The following ESR1 variants were observed in gnomAD, a reference collection of about 807,000 sequenced individuals.
ESR1 encodes the protein estrogen receptor 1.
ESR1 carries 12 observed loss-of-function variants against 52.7 expected under a neutral mutation model. The observed-to-expected ratio is 0.23, with a 90% CI of 0.15 to 0.37. The LOEUF is 0.37. Among genes scored for constraint, ESR1 ranks in the 10% least tolerant of loss-of-function variants. ESR1 has a pLI of 1.00. For missense variants in ESR1, 584 were observed against 779.7 expected (o/e 0.75, Z 2.99); for synonymous variants, 305 against 316.8 (o/e 0.96, Z 0.39).
chr6:152,078,112 G>T (rs2048889707), intron 6 of ESR1, among the ~76,000 whole-genome samples: 1 of 152,118 alleles, frequency 6.6e-6, no homozygotes, highest in Non-Finnish European at 1.5e-5. Context: ...AGAGGGACCT[G>T]GTGGGAAACA....
At chr6:151,710,848 G>T (rs542405258) in intron 2 of ESR1, among the ~76,000 whole-genome samples, 2 of 152,144 alleles carry the variant, frequency 1.3e-5, no homozygotes, top group South Asian at 4.2e-4. Context: ...ATGATTGCCA[G>T]CTTCATCCAT....
intron 3 of ESR1, among the ~76,000 whole-genome samples, chr6:151,917,687 C>T (rs1423265545): frequency 6.6e-6 from 1 of 152,156 alleles, no homozygotes; most frequent in Non-Finnish European, 1.5e-5. Context: ...ATTTCCCATT[C>T]TTGATGCTCC....
At chr6:151,760,649 G>A (rs941484594) in intron 2 of ESR1, among the ~76,000 whole-genome samples, 4 of 152,146 alleles carry the variant, frequency 2.6e-5, no homozygotes, top group Non-Finnish European at 4.4e-5. Flanking sequence ...ATGCTCTCTG[G>A]TAAGACACTT....
intron 4 of ESR1, among the ~76,000 whole-genome samples, chr6:151,963,963 G>T (rs1203765567): frequency 6.6e-6 from 1 of 152,080 alleles, no homozygotes. Context: ...CACTTTTGTT[G>T]TAAATAAGTT....
At chr6:151,885,915 T>C (rs1472711193) in intron 3 of ESR1, among the ~76,000 whole-genome samples, 3 of 152,228 alleles carry the variant, frequency 2.0e-5, no homozygotes, top group Non-Finnish European at 4.4e-5. Context: ...GTCATGAAGA[T>C]GACAAATCGT....
chr6:152,122,914 T>G (rs1647568620), intron 6 of ESR1, among the ~76,000 whole-genome samples: 1 of 152,192 alleles, frequency 6.6e-6, no homozygotes, highest in Admixed American at 6.5e-5. Context: ...AGTAATTAGG[T>G]TCAAATTCTA....
chr6:151,957,286 G>A (rs1013580855), intron 4 of ESR1, among the ~76,000 whole-genome samples: 2 of 152,052 alleles, frequency 1.3e-5, no homozygotes, highest in African/African-American at 2.4e-5. Context: ...TGGTGATTTC[G>A]AGGATTTGGA....
In ESR1 at chr6:152,081,786, A is replaced by C. The variant is rs945024170; in HGVS notation, c.1370-12599A>C. The stretch of plus-strand genomic sequence containing the variant: ...CGAATAGATGCAATAAAAAATGATA[A>C]AGGGATATCACCACCGATCCCACAG... On this transcript the variant is annotated intron_variant, in intron 6 of 7. Transcript: ENST00000206249. Among the ~76,000 whole-genome samples, 8 of 152,262 alleles carry C rather than the reference A, an allele frequency of 5.3e-5. No individual in the cohort carries two copies. The South Asian group carries it at 1.7e-3, about 32-fold the overall frequency.
At chr6:152,122,618 G>C in intron 6 of ESR1, 6 of 1,614,134 alleles carry the variant, frequency 3.7e-6, no homozygotes, top group Non-Finnish European at 5.1e-6. Context: ...AGGAAGCCGC[G>C]GCCGGACCGA....
At chr6:151,947,775 A>T (rs1441352339) in intron 4 of ESR1, among the ~76,000 whole-genome samples, 4 of 152,164 alleles carry the variant, frequency 2.6e-5, no homozygotes, top group Non-Finnish European at 5.9e-5. Flanking sequence ...GATAAAGATG[A>T]CCTTAAGAAA....
intron 1 of ESR1, among the ~76,000 whole-genome samples, chr6:151,821,705 T>G (rs958992252): frequency 9.2e-5 from 14 of 152,126 alleles, no homozygotes; most frequent in African/African-American, 3.4e-4. Context: ...TTGACAGAAT[T>G]AAAAAAATAA....
intron 1 of ESR1, among the ~76,000 whole-genome samples, chr6:151,700,906 A>T (rs536960156): frequency 6.6e-6 from 1 of 152,272 alleles, no homozygotes; most frequent in Non-Finnish European, 1.5e-5. Context: ...TAGGCTGATG[A>T]CCCACAGTAA....
intron 3 of ESR1, among the ~76,000 whole-genome samples, chr6:151,929,624 T>A (rs2033285440): frequency 6.6e-6 from 1 of 151,894 alleles, no homozygotes; most frequent in South Asian, 2.1e-4. Flanking sequence ...TAAAGTAAAA[T>A]AAAAAATAAA....
chr6:152,112,056 G>T (rs2051152769), intron 6 of ESR1, among the ~76,000 whole-genome samples: 1 of 152,222 alleles, frequency 6.6e-6, no homozygotes, highest in Non-Finnish European at 1.5e-5. Context: ...TTTGTCAAAA[G>T]ATTGGAGGTT....
chr6:151,966,302 G>A (rs993116995), intron 4 of ESR1, among the ~76,000 whole-genome samples: 1 of 151,934 alleles, frequency 6.6e-6, no homozygotes, highest in African/African-American at 2.4e-5. Context: ...ATTTTCTTCC[G>A]AGAAAATATT....
intron 3 of ESR1, among the ~76,000 whole-genome samples, chr6:151,913,761 TA>T (rs1798633211): frequency 1.3e-5 from 2 of 152,180 alleles, no homozygotes. Flanking sequence ...TGAAGAAGAA[TA>T]ACATGTATCA....
chr6:151,968,825 T>G (rs1425353854), intron 4 of ESR1, among the ~76,000 whole-genome samples: 1 of 152,162 alleles, frequency 6.6e-6, no homozygotes, highest in African/African-American at 2.4e-5. Flanking sequence ...GGCCATGGAC[T>G]GGAACCATGT....
intron 2 of ESR1, among the ~76,000 whole-genome samples, chr6:151,862,615 G>A (rs1222893295): frequency 6.6e-6 from 1 of 152,176 alleles, no homozygotes; most frequent in Non-Finnish European, 1.5e-5. Flanking sequence ...GCTTGGGGAG[G>A]AGAGTTACAA....
chr6:151,677,890 G>A (rs138217748), intron 1 of ESR1, among the ~76,000 whole-genome samples: 32 of 152,206 alleles, frequency 2.1e-4, no homozygotes, highest in African/African-American at 6.3e-4. Context: ...GCTTCTCAGG[G>A]GTTATACTTC....
Sources: gnomAD v4.1 joint callset for allele counts (sites outside exome capture counted in the v4.1 genomes callset) on GRCh38, gnomAD v4.1.1 for gene constraint, MANE v1.5 for transcripts, NCBI Gene and HGNC (gene_info 2026-07-23, HGNC 2026-07-21) for gene names.